TRDN: variants seen among roughly 807,000 people sequenced by gnomAD.
TRDN encodes triadin, also known as triadin in skeletal muscle.
A neutral mutation model predicts 149.7 loss-of-function variants in TRDN; 161 were observed. That is an observed-to-expected ratio of 1.08 (90% CI 0.95 to 1.23). The LOEUF is 1.23. Ranked by LOEUF, TRDN falls within the 50% of genes most tolerant of loss-of-function variation. The pLI is 0.00. For synonymous variants in TRDN, 294 were observed against 250.5 expected (o/e 1.17, Z -1.64); for missense variants, 896 against 823.5 (o/e 1.09, Z -1.08).
intron 5 of TRDN, among the ~76,000 whole-genome samples, chr6:123,518,358 G>A (rs1183803854): frequency 6.6e-6 from 1 of 152,080 alleles, no homozygotes; most frequent in East Asian, 1.9e-4. Flanking sequence ...TATTAATTAA[G>A]CAGAAAACCA....
intron 12 of TRDN, among the ~76,000 whole-genome samples, chr6:123,419,157 G>A (rs966956082): frequency 1.3e-5 from 2 of 151,992 alleles, no homozygotes; most frequent in African/African-American, 2.4e-5. Flanking sequence ...GGGTAGCTGA[G>A]AGGTGGTGGA....
chr6:123,247,896 C>T (rs1174402027), intron 38 of TRDN, among the ~76,000 whole-genome samples: 6 of 152,112 alleles, frequency 3.9e-5, no homozygotes, highest in Non-Finnish European at 8.8e-5. Flanking sequence ...GGTACCAAAA[C>T]AGATATATAG....
intron 9 of TRDN, among the ~76,000 whole-genome samples, chr6:123,480,044 A>AT (rs1489525838): frequency 6.6e-6 from 1 of 152,198 alleles, no homozygotes; most frequent in Non-Finnish European, 1.5e-5. Context: ...AATATTTAAC[A>AT]TTTTTTATCA....
intron 1 of TRDN, among the ~76,000 whole-genome samples, chr6:123,579,682 C>T (rs1783024240): frequency 6.6e-6 from 1 of 152,142 alleles, no homozygotes; most frequent in Admixed American, 6.6e-5. Flanking sequence ...AGGAGTGCCT[C>T]TGATGTGGTT....
At chr6:123,305,222 G>C (rs1778563271) in intron 24 of TRDN, among the ~76,000 whole-genome samples, 1 of 152,078 alleles carries the variant, frequency 6.6e-6, no homozygotes, top group African/African-American at 2.4e-5. Flanking sequence ...GGAAGGCCCA[G>C]GAACCTTAAG....
intron 2 of TRDN, among the ~76,000 whole-genome samples, chr6:123,555,343 T>C (rs1781590318): frequency 6.6e-6 from 1 of 152,118 alleles, no homozygotes; most frequent in Admixed American, 6.6e-5. Flanking sequence ...CTGTTTTATT[T>C]CAAATTGAAA....
At chr6:123,357,112 T>G (rs1048998393) in intron 20 of TRDN, among the ~76,000 whole-genome samples, 1 of 151,976 alleles carries the variant, frequency 6.6e-6, no homozygotes, top group East Asian at 1.9e-4. Context: ...CATATAAATT[T>G]TATCATACAT....
chr6:123,564,740 C>T (rs564180392), intron 2 of TRDN, among the ~76,000 whole-genome samples: 55 of 152,276 alleles, frequency 3.6e-4, no homozygotes, highest in African/African-American at 1.3e-3. Context: ...GATTCAAATT[C>T]AAGTTACATT....
At chr6:123,569,146 C>G (rs1348235876) in intron 2 of TRDN, among the ~76,000 whole-genome samples, 1 of 152,138 alleles carries the variant, frequency 6.6e-6, no homozygotes, top group Non-Finnish European at 1.5e-5. Flanking sequence ...CATCATTACT[C>G]TCAGGTCCGT....
intron 14 of TRDN, 28 bp downstream of exon 14, chr6:123,388,494 G>T (rs764136569): frequency 1.3e-6 from 2 of 1,578,832 alleles, no homozygotes; most frequent in Admixed American, 1.8e-5. Flanking sequence ...CTCACAAAAG[G>T]CTCAGTGGGA....
At chr6:123,393,885 T>C (rs1205238247) in intron 12 of TRDN, among the ~76,000 whole-genome samples, 10 of 152,258 alleles carry the variant, frequency 6.6e-5, no homozygotes, top group African/African-American at 2.2e-4. Context: ...ATTTAAATCA[T>C]AAGATAAAGA....
At chr6:123,306,680 G>A (rs541110126) in intron 24 of TRDN, among the ~76,000 whole-genome samples, 23 of 151,992 alleles carry the variant, frequency 1.5e-4, no homozygotes, top group East Asian at 1.9e-4. Flanking sequence ...AAACTTTCTC[G>A]AAAAACAATA....
At chr6:123,340,741 T>A (rs566558628) in intron 21 of TRDN, among the ~76,000 whole-genome samples, 1 of 152,092 alleles carries the variant, frequency 6.6e-6, no homozygotes. Flanking sequence ...TTTCTTCTGA[T>A]GGAAAGAATA....
At chr6:123,358,641 A>ATTGTATTGTTTTGTT (rs145187685) in intron 20 of TRDN, among the ~76,000 whole-genome samples, 1 of 151,168 alleles carries the variant, frequency 6.6e-6, no homozygotes, top group South Asian at 2.1e-4. Flanking sequence ...ATTTTTTTGT[A>ATTGTATTGTTTTGTT]TTGTTTTGTT....
intron 12 of TRDN, among the ~76,000 whole-genome samples, chr6:123,430,274 T>TATA (rs1187803689): frequency 1.5e-4 from 22 of 151,438 alleles, no homozygotes; most frequent in Admixed American, 4.0e-4. Flanking sequence ...TGTCTCAAAA[T>TATA]ATAATAATAA....
At chr6:123,388,116 A>C (rs1445593329) in intron 14 of TRDN, among the ~76,000 whole-genome samples, 1 of 152,104 alleles carries the variant, frequency 6.6e-6, no homozygotes, top group Non-Finnish European at 1.5e-5. Flanking sequence ...TGGGAGAAAA[A>C]AAAAAACAGA....
chr6:123,247,332 T>C (rs1195284176), intron 38 of TRDN, among the ~76,000 whole-genome samples: 1 of 152,192 alleles, frequency 6.6e-6, no homozygotes, highest in Non-Finnish European at 1.5e-5. Context: ...GATGATATGA[T>C]TGCATATTTA....
chr6:123,261,499 A>C (rs901660466), intron 33 of TRDN, among the ~76,000 whole-genome samples: 2 of 151,746 alleles, frequency 1.3e-5, no homozygotes, highest in African/African-American at 4.8e-5. Flanking sequence ...TATAACCTGG[A>C]AAGTTTTTTT....
At chr6:123,591,055 A>G (rs190334904) in intron 1 of TRDN, among the ~76,000 whole-genome samples, 28 of 151,982 alleles carry the variant, frequency 1.8e-4, no homozygotes, top group Admixed American at 1.6e-3. Context: ...ATTTGTCAGT[A>G]ATATAAATTG....
Sources: allele counts gnomAD v4.1 joint callset (sites outside exome capture counted in the v4.1 genomes callset), GRCh38; gene constraint gnomAD v4.1.1; transcripts MANE v1.5; gene names NCBI Gene and HGNC (gene_info 2026-07-23, HGNC 2026-07-21).